NPFFR2: variants seen among roughly 807,000 people sequenced by gnomAD.
The protein encoded by NPFFR2 is neuropeptide FF receptor 2.
In NPFFR2, 15 loss-of-function variants were observed where a neutral mutation model predicts 13.1. The observed-to-expected ratio is 1.15, with a 90% CI of 0.77 to 1.76. The LOEUF is 1.76. Among genes scored for constraint, NPFFR2 ranks in the 40% most tolerant of loss-of-function variants. The pLI, the probability that NPFFR2 is intolerant of heterozygous loss-of-function variation, is 0.00. For missense variants in NPFFR2, 572 were observed against 503.5 expected, an observed-to-expected ratio of 1.14 and a Z score of -1.30; for synonymous variants, 190 against 175.7, an observed-to-expected ratio of 1.08 and a Z score of -0.65.
chr4:72,145,923 A>T (rs889575265), intron 3 of NPFFR2, among the ~76,000 whole-genome samples: 2 of 152,204 alleles, frequency 1.3e-5, no homozygotes, highest in South Asian at 2.1e-4. Context: ...AACATAATGA[A>T]ATTCAATAAT....
At chr4:72,135,088 T>C (rs1722368077) in intron 2 of NPFFR2, among the ~76,000 whole-genome samples, 1 of 152,150 alleles carries the variant, frequency 6.6e-6, no homozygotes, top group Non-Finnish European at 1.5e-5. Context: ...AATTACTCTA[T>C]TGCTACTGCT....
At chr4:72,079,090 C>G (rs1211325683) in intron 1 of NPFFR2, among the ~76,000 whole-genome samples, 1 of 100,804 alleles carries the variant, frequency 9.9e-6, no homozygotes, top group Non-Finnish European at 2.1e-5. Context: ...ACACACACAT[C>G]TGTTGAAATC....
chr4:72,036,536 TTAA>T (rs1332541850), intron 1 of NPFFR2, among the ~76,000 whole-genome samples: 9 of 145,050 alleles, frequency 6.2e-5, no homozygotes, highest in Admixed American at 5.5e-4. Flanking sequence ...ATATATACAT[TTAA>T]ATATATAGTA....
intron 1 of NPFFR2, among the ~76,000 whole-genome samples, chr4:72,070,094 A>G (rs1466777372): frequency 1.3e-5 from 2 of 152,190 alleles, no homozygotes; most frequent in African/African-American, 4.8e-5. Context: ...AATTTACTCA[A>G]GGTCTCACAG....
intron 1 of NPFFR2, among the ~76,000 whole-genome samples, chr4:72,041,291 C>T (rs1312075089): frequency 1.3e-5 from 2 of 152,136 alleles, no homozygotes. Flanking sequence ...GGATAATGGC[C>T]TCCAGCCGTA....
intron 1 of NPFFR2, among the ~76,000 whole-genome samples, chr4:72,109,343 A>G (rs908443825): frequency 2.6e-5 from 4 of 151,994 alleles, no homozygotes; most frequent in African/African-American, 9.7e-5. Context: ...TCTGCTTCTA[A>G]GAGTTTCTCA....
intron 1 of NPFFR2, among the ~76,000 whole-genome samples, chr4:72,040,961 TG>T (rs1411282076): frequency 6.6e-6 from 1 of 150,676 alleles, no homozygotes; most frequent in Non-Finnish European, 1.5e-5. Context: ...AATTTCTAGG[TG>T]CTATTGCTAA....
intron 1 of NPFFR2, among the ~76,000 whole-genome samples, chr4:72,095,353 G>A (rs1287366763): frequency 1.3e-5 from 2 of 152,102 alleles, no homozygotes; most frequent in African/African-American, 4.8e-5. Flanking sequence ...CATGATGGGA[G>A]TATTAACACC....
At position 72,140,319 on chromosome 4, in the gene NPFFR2, C is replaced by G. The variant is rs1176624324; in HGVS notation, c.428+2180C>G. ...GTTGAATAGGAGTGGTGAGAGAGGTCGACCCTGACTTGTGCCAGTTTTCAA... is the reference window on the plus strand; with the variant it reads ...GTTGAATAGGAGTGGTGAGAGAGGTGGACCCTGACTTGTGCCAGTTTTCAA... On this transcript the variant is annotated intron_variant, in intron 3 of 3. Transcript: ENST00000308744. Among the ~76,000 whole-genome samples the G allele has an allele frequency of 1.3e-5, 2 of 152,130 alleles. 1 individual carries two copies. The highest frequency in any genetic ancestry group is 4.1e-4 in the South Asian group (2 of 4,830).
chr4:72,128,241 C>G (rs1485826533), intron 1 of NPFFR2, among the ~76,000 whole-genome samples: 1 of 137,620 alleles, frequency 7.3e-6, no homozygotes, highest in Non-Finnish European at 1.7e-5. Flanking sequence ...TGAGTCTTGA[C>G]AGAATATGAT....
intron 1 of NPFFR2, among the ~76,000 whole-genome samples, 153 bp from the exon 2 acceptor site, chr4:72,128,432 A>G (rs1175648567): frequency 3.9e-5 from 6 of 152,248 alleles, no homozygotes; most frequent in African/African-American, 1.4e-4. Context: ...TGCCTTATTT[A>G]TAATTCAGTT....
chr4:72,074,879 T>G (rs756383172), intron 1 of NPFFR2, among the ~76,000 whole-genome samples: 4 of 132,026 alleles, frequency 3.0e-5, no homozygotes, highest in African/African-American at 1.1e-4. Context: ...GCTAAACTAA[T>G]GTCAGACAAC....
Position 72,128,575 on chromosome 4 carries a change from C to T in NPFFR2, c.-7-10C>T, listed in dbSNP as rs764203910. 1 of 1,542,384 alleles carries T rather than the reference C, an allele frequency of 6.5e-7. No individual in the cohort carries two copies. Among genetic ancestry groups the T allele is most frequent in the Non-Finnish European group, 8.8e-7 (1 of 1,134,866 alleles). ...ATTATGTTTTTCTTTTCTGTCTCTT[C>T]TTTATTAAGGTTCATCATGAATGAG... On this transcript the variant is annotated splice_polypyrimidine_tract_variant and intron_variant, in intron 1 of 3. Coordinates refer to ENST00000308744, the MANE Select transcript of NPFFR2 (RefSeq NM_004885.3).
intron 1 of NPFFR2, among the ~76,000 whole-genome samples, chr4:72,117,162 C>T (rs1721738194): frequency 6.6e-6 from 1 of 152,158 alleles, no homozygotes; most frequent in South Asian, 2.1e-4. Context: ...CCCTCCTCTG[C>T]TTTTGTCAGG....
intron 1 of NPFFR2, among the ~76,000 whole-genome samples, chr4:72,055,982 C>T (rs1719732754): frequency 1.3e-5 from 2 of 151,910 alleles, no homozygotes; most frequent in South Asian, 2.1e-4. Flanking sequence ...AAATTCTCTC[C>T]GTGCCATAAA....
intron 1 of NPFFR2, among the ~76,000 whole-genome samples, chr4:72,085,542 A>C (rs891588712): frequency 6.6e-6 from 1 of 152,080 alleles, no homozygotes; most frequent in African/African-American, 2.4e-5. Context: ...ATAGCATAAA[A>C]CCTTTCATTT....
At chr4:72,123,240 C>G (rs986892759) in intron 1 of NPFFR2, among the ~76,000 whole-genome samples, 2 of 152,116 alleles carry the variant, frequency 1.3e-5, no homozygotes, top group African/African-American at 4.8e-5. Context: ...CTGAACAGAC[C>G]AATAACAAGT....
In NPFFR2 at chr4:72,147,671, C is replaced by T. The variant is rs778017886; in HGVS notation, c.1122C>T (p.Asn374=). ...ALKAKSHVLI[N]TSNQLVQEST... ...AAGCTAAAAGCCATGTGCTCATAAA[C>T]ACATCTAATCAGCTTGTCCAGGAAT... The change falls in exon 4 of 4, where the codon AAC becomes AAT. Residue 374 remains asparagine (N), a synonymous_variant. Coordinates refer to ENST00000308744, the MANE Select transcript of NPFFR2 (RefSeq NM_004885.3). 3 of 1,614,120 alleles carry T rather than the reference C, an allele frequency of 1.9e-6. No homozygotes were observed. The highest frequency in any genetic ancestry group is 2.7e-5 in the African/African-American group (2 of 75,040).
chr4:72,117,450 A>G (rs1369281561), intron 1 of NPFFR2, among the ~76,000 whole-genome samples: 1 of 152,166 alleles, frequency 6.6e-6, no homozygotes, highest in Non-Finnish European at 1.5e-5. Flanking sequence ...AAATATATCA[A>G]TCACAGTCAA....
Sources: gnomAD v4.1 joint callset for allele counts (sites outside exome capture counted in the v4.1 genomes callset) on GRCh38, gnomAD v4.1.1 for gene constraint, MANE v1.5 for transcripts, NCBI Gene and HGNC (gene_info 2026-07-23, HGNC 2026-07-21) for gene names.